ZBTB33: variants seen among roughly 807,000 people sequenced by gnomAD.
ZBTB33 encodes the protein zinc finger and BTB domain containing 33.
In ZBTB33, 11 loss-of-function variants were observed where a neutral mutation model predicts 25.9. That is an observed-to-expected ratio of 0.42 (90% CI 0.27 to 0.70). The LOEUF (loss-of-function observed/expected upper bound fraction) is 0.70, where lower values mean the gene tolerates loss of function less well. Among genes scored for constraint, ZBTB33 ranks in the 30% least tolerant of loss-of-function variants. The pLI, the probability that ZBTB33 is intolerant of heterozygous loss-of-function variation, is 0.23. For synonymous variants in ZBTB33, 157 were observed against 184.8 expected (o/e 0.85, Z 1.22); for missense variants, 343 against 501.1 (o/e 0.68, Z 3.01).
chrX:120,254,380 C>T lies in ZBTB33; in HGVS notation c.965C>T (p.Thr322Ile). 8.3e-7 allele frequency: 1 copy of T among 1,211,379 alleles called. No individual in the cohort carries two copies. Among genetic ancestry groups the T allele is most frequent in the Non-Finnish European group, 1.1e-6 (1 of 895,433 alleles). Reference protein sequence around the residue: ...NQQTPNSAILTGNKANEEEEE... With the variant: ...NQQTPNSAILIGNKANEEEEE... ...CAGACACCAAACAGTGCTATTTTAA[C>T]AGGAAACAAGGCCAATGAAGAGGAG... The change falls in exon 3 of 3, where the codon ACA (threonine) becomes ATA (isoleucine). Residue 322 changes from threonine (T) to isoleucine (I), a missense_variant. This residue lies in a region of ZBTB33 where 304 missense variants were observed against 410.0 expected (regional missense o/e 0.74). Transcript: ENST00000557385.
At chrX:120,251,403 C>T (rs1056972861) in intron 1 of ZBTB33, among the ~76,000 whole-genome samples, 1 of 110,698 alleles carries the variant, frequency 9.0e-6, no homozygotes, top group African/African-American at 3.3e-5. Context: ...CTTCATCCCC[C>T]CCCCAACACC....
chrX:120,256,401 A>G lies in ZBTB33; in HGVS notation c.*967A>G, dbSNP rs1279754445. ...ATATTTTGGGTGGGAGGCTACTGGC[A>G]TATATTTTTAAATGTTCATATTGCG... On this transcript the variant is annotated 3_prime_UTR_variant, in exon 3 of 3. Coordinates refer to ENST00000557385, the MANE Select transcript of ZBTB33 (RefSeq NM_001184742.2). 1 of 122,597 alleles carries G rather than the reference A, an allele frequency of 8.2e-6. No individual in the cohort carries two copies. The highest frequency in any genetic ancestry group is 1.9e-5 in the Non-Finnish European group (1 of 52,997). 10.1% of individuals were successfully genotyped at this position (122,597 alleles called of 1,213,427 possible). A position where few individuals can be genotyped will look rare whatever the true frequency, so the allele number is the denominator to read the frequency against.
In ZBTB33 at chrX:120,254,885, A is replaced by G; in HGVS notation, c.1470A>G (p.Gly490=). 4 of 1,211,797 alleles carry G rather than the reference A, an allele frequency of 3.3e-6. No individual in the cohort carries two copies. The South Asian group carries it at 7.0e-5, about 21-fold the overall frequency. ...ATCACTATGAGTTAATAGTAGATGG[A>G]AGGGTCTATTATATCTGTATTGTAT... is the stretch of plus-strand genomic sequence containing the variant. ...HDDHYELIVD[G]RVYYICIVCK... The change falls in exon 3 of 3, where the codon GGA becomes GGG. Residue 490 remains glycine (G), a synonymous_variant. Transcript: ENST00000557385.
chrX:120,251,343 A>G (rs2057598371), intron 1 of ZBTB33, among the ~76,000 whole-genome samples: 1 of 107,880 alleles, frequency 9.3e-6, no homozygotes, highest in South Asian at 4.1e-4. Flanking sequence ...TGCCAGGCCC[A>G]TCCTCCCCTT....
Position 120,252,428 on chromosome X carries a change from A to G in ZBTB33, c.-104-241A>G, listed in dbSNP as rs781866629. 3.6e-5 allele frequency among the ~76,000 whole-genome samples: 4 copies of G among 111,281 alleles called. No homozygotes were observed. In the East Asian group the frequency reaches 8.4e-4, roughly 23 times the overall value. On this transcript the variant is annotated intron_variant, in intron 1 of 2. Transcript: ENST00000557385. ...AAATATCTTCTGCAAAGTGCAAAAAATGATGTTTTGCTAGTGCTACACAAC... is the reference window on the plus strand; with the variant it reads ...AAATATCTTCTGCAAAGTGCAAAAAGTGATGTTTTGCTAGTGCTACACAAC...
intron 1 of ZBTB33, among the ~76,000 whole-genome samples, chrX:120,252,449 A>C (rs1239585754): frequency 9.0e-6 from 1 of 111,641 alleles, no homozygotes; most frequent in Non-Finnish European, 1.9e-5. Flanking sequence ...CTAGTGCTAC[A>C]CAACAATGCA....
rs59686094 is a variant in ZBTB33, at chrX:120,253,978, CTGA to C, written c.581_583del (p.Asp194del). On this transcript the variant is annotated inframe_deletion, in exon 3 of 3. Coordinates refer to ENST00000557385, the MANE Select transcript of ZBTB33 (RefSeq NM_001184742.2). The stretch of plus-strand genomic sequence containing the variant: ...ATGAAAAAGATCATTGTTACCGATT[CTGA>C]TGATGATGATGATGATGTCATTTTT... 18 of 1,171,999 alleles carry C rather than the reference CTGA, an allele frequency of 1.5e-5. No homozygotes were observed. Among genetic ancestry groups the C allele is most frequent in the Admixed American group, 4.5e-5 (2 of 44,114 alleles).
rs782440956 is a variant in ZBTB33 at position 120,258,113 on chromosome X, C to T, written c.*2679C>T. ...CACAACCACTATGAAGAAATAATGC[C>T]GCATTTTTCCCCCATTGTACCAAAA... On this transcript the variant is annotated 3_prime_UTR_variant, in exon 3 of 3. Coordinates refer to ENST00000557385, the MANE Select transcript of ZBTB33 (RefSeq NM_001184742.2). 3 of 122,841 alleles carry T rather than the reference C, an allele frequency of 2.4e-5. No individual in the cohort carries two copies. The highest frequency in any genetic ancestry group is 3.8e-5 in the Non-Finnish European group (2 of 53,033). 10.1% of individuals were successfully genotyped at this position (122,841 alleles called of 1,213,427 possible).
rs1489587328 is a variant in ZBTB33 at position 120,254,687 on chromosome X, T to C, written c.1272T>C (p.Ile424=). Residue 424 remains isoleucine, a synonymous_variant, in exon 3 of 3, where the codon ATT becomes ATC. Transcript: ENST00000557385. The part of the protein sequence containing the change: ...KIITLDTATE[I]EGLSTGCKVY... ...TTACTTTAGATACAGCTACTGAAAT[T>C]GAAGGCTTATCGACTGGTTGCAAGG... 8.3e-7 allele frequency: 1 copy of C among 1,210,400 alleles called. No homozygotes were observed. Among genetic ancestry groups the C allele is most frequent in the East Asian group, 3.0e-5 (1 of 33,789 alleles).
In ZBTB33 at chrX:120,254,799, G is replaced by A; in HGVS notation, c.1384G>A (p.Glu462Lys). Residue 462 changes from glutamate to lysine, a missense_variant, in exon 3 of 3, where the codon GAA becomes AAA. Glu to Lys is a moderately conservative substitution (Grantham distance 56). Around this residue, in one of 2 missense-constraint regions of ZBTB33, gnomAD observed 304 missense variants for 410.0 expected, o/e 0.74. Coordinates refer to ENST00000557385, the MANE Select transcript of ZBTB33 (RefSeq NM_001184742.2). ...TGAAGGGGAGGCCAGACTTGAGAAT[G>A]AAATACCAAAAACGTCTGGCAGCGA... is the stretch of plus-strand genomic sequence containing the variant. ...PDEGEARLEN[E>K]IPKTSGSEMA... 1 of 1,211,876 alleles carries A rather than the reference G, an allele frequency of 8.3e-7. No individual in the cohort carries two copies. Among genetic ancestry groups the A allele is most frequent in the South Asian group, 1.8e-5 (1 of 56,975 alleles).
In ZBTB33 at chrX:120,255,313, C is replaced by G. The variant is rs1556015240; in HGVS notation, c.1898C>G (p.Thr633Ser). The change falls in exon 3 of 3, where the codon ACT becomes AGT. Residue 633 changes from threonine (T) to serine (S), a missense_variant. Thr to Ser is a moderately conservative substitution (Grantham distance 58, BLOSUM62 1). Around this residue, in one of 2 missense-constraint regions of ZBTB33, gnomAD observed 304 missense variants for 410.0 expected, o/e 0.74. Coordinates refer to ENST00000557385, the MANE Select transcript of ZBTB33 (RefSeq NM_001184742.2). Reference protein sequence around the residue: ...KEPPVGTTTSTQNKPMTWEDI... With the variant: ...KEPPVGTTTSSQNKPMTWEDI... ...CCTCCAGTAGGGACCACTACATCTACTCAGAACAAGCCAATGACCTGGGAA... is the reference window on the plus strand; with the variant it reads ...CCTCCAGTAGGGACCACTACATCTAGTCAGAACAAGCCAATGACCTGGGAA... 8.3e-7 allele frequency: 1 copy of G among 1,211,679 alleles called. No individual in the cohort carries two copies. The highest frequency in any genetic ancestry group is 1.1e-6 in the Non-Finnish European group (1 of 895,269).
In ZBTB33 at chrX:120,256,647, GAC is replaced by G. The variant is rs782458296; in HGVS notation, c.*1217_*1218del. On this transcript the variant is annotated 3_prime_UTR_variant, in exon 3 of 3. Transcript: ENST00000557385. ...AACAATAAATACCACTTTTAAAAAT[GAC>G]ACATATTTAAACACTTAGAAAATAA... The G allele has an allele frequency of 2.0e-3, 244 of 122,884 alleles. 3 individuals are homozygous for G. Among genetic ancestry groups the G allele is most frequent in the Non-Finnish European group, 1.3e-4 (7 of 53,000 alleles). 10.1% of individuals were successfully genotyped at this position (122,884 alleles called of 1,213,427 possible).
At position 120,254,460 on chromosome X, in the gene ZBTB33, G is replaced by A; in HGVS notation, c.1045G>A (p.Ala349Thr). ...CACTATTAGCTCCAGTCCTGACTCG[G>A]CCGTCAGTAATACATCTTTGGTCCC... Reference protein sequence around the residue: ...DDTISSSPDSAVSNTSLVPQA... With the variant: ...DDTISSSPDSTVSNTSLVPQA... The change falls in exon 3 of 3, where the codon GCC (alanine) becomes ACC (threonine). Residue 349 changes from alanine to threonine, a missense_variant. Physicochemically the swap from Ala to Thr is moderately conservative, Grantham distance 58. Around this residue, in one of 2 missense-constraint regions of ZBTB33, gnomAD observed 304 missense variants for 410.0 expected, o/e 0.74. Coordinates refer to ENST00000557385, the MANE Select transcript of ZBTB33 (RefSeq NM_001184742.2). The A allele has an allele frequency of 2.5e-6, 3 of 1,211,403 alleles. No individual in the cohort carries two copies. The highest frequency in any genetic ancestry group is 3.4e-6 in the Non-Finnish European group (3 of 895,461).
At chrX:120,251,384 C>T (rs2057598685) in intron 1 of ZBTB33, among the ~76,000 whole-genome samples, 1 of 109,782 alleles carries the variant, frequency 9.1e-6, no homozygotes, top group Admixed American at 9.5e-5. Flanking sequence ...AACAATGCCG[C>T]CTGCTTCGCT....
rs1195134438 is a variant in ZBTB33 at position 120,257,532 on chromosome X, T to C, written c.*2098T>C. ...AACTATCCATTCTGAATAATAGGTATGTAATTATTTGCTGCTGCTGCTGTG... is the reference window on the plus strand; with the variant it reads ...AACTATCCATTCTGAATAATAGGTACGTAATTATTTGCTGCTGCTGCTGTG... On this transcript the variant is annotated 3_prime_UTR_variant, in exon 3 of 3. Coordinates refer to ENST00000557385, the MANE Select transcript of ZBTB33 (RefSeq NM_001184742.2). 2.4e-5 allele frequency: 3 copies of C among 123,317 alleles called. No homozygotes were observed. The highest frequency in any genetic ancestry group is 3.8e-5 in the Non-Finnish European group (2 of 53,163). 10.2% of individuals were successfully genotyped at this position (123,317 alleles called of 1,213,427 possible).
rs1232171970 is a variant in ZBTB33, at chrX:120,257,072, C to G, written c.*1638C>G. The G allele has an allele frequency of 3.3e-5, 4 of 121,972 alleles. No individual in the cohort carries two copies. The highest frequency in any genetic ancestry group is 1.3e-4 in the African/African-American group (4 of 30,460). The allele number at this position is 121,972 out of a possible 1,213,427, so 10.1% of individuals were successfully genotyped here. A position where few individuals can be genotyped will look rare whatever the true frequency, so the allele number is the denominator to read the frequency against. ...TGAGGGTATCAGGCATCAGTTCATG[C>G]AATAATACAAGAAAAAAAATCCTTT... On this transcript the variant is annotated 3_prime_UTR_variant, in exon 3 of 3. Coordinates refer to ENST00000557385, the MANE Select transcript of ZBTB33 (RefSeq NM_001184742.2).
Position 120,254,707 on chromosome X carries a change from G to T in ZBTB33, c.1292G>T (p.Cys431Phe). 8.3e-7 allele frequency: 1 copy of T among 1,211,859 alleles called. No individual in the cohort carries two copies. The highest frequency in any genetic ancestry group is 1.1e-6 in the Non-Finnish European group (1 of 895,508). The change falls in exon 3 of 3, where the codon TGC becomes TTC. Residue 431 changes from cysteine to phenylalanine, a missense_variant. By Grantham distance (205) the Cys-to-Phe change is radical (BLOSUM62 -2). Coordinates refer to ENST00000557385, the MANE Select transcript of ZBTB33 (RefSeq NM_001184742.2). ...GAAATTGAAGGCTTATCGACTGGTTGCAAGGTTTATGCAAATATCGGTGAA... is the reference window on the plus strand; with the variant it reads ...GAAATTGAAGGCTTATCGACTGGTTTCAAGGTTTATGCAAATATCGGTGAA... ...ATEIEGLSTGCKVYANIGEDT... is the reference protein window; with the variant it reads ...ATEIEGLSTGFKVYANIGEDT...
chrX:120,254,143 T>C lies in ZBTB33; in HGVS notation c.728T>C (p.Ile243Thr). The C allele has an allele frequency of 8.3e-7, 1 of 1,211,280 alleles. No individual in the cohort carries two copies. Among genetic ancestry groups the C allele is most frequent in the South Asian group, 1.8e-5 (1 of 56,948 alleles). ...ASNNSPPLTN[I>T]TPTQKLPTPV... ...AATAACTCGCCCCCTTTAACAAATA[T>C]CACACCTACTCAGAAACTTCCTACT... The change falls in exon 3 of 3, where the codon ATC becomes ACC. Residue 243 changes from isoleucine to threonine, a missense_variant. Ile to Thr is a moderately conservative substitution (Grantham distance 89). This residue lies in a region of ZBTB33 where 304 missense variants were observed against 410.0 expected (regional missense o/e 0.74). Transcript: ENST00000557385.
At chrX:120,251,933 C>T (rs2057603407) in intron 1 of ZBTB33, among the ~76,000 whole-genome samples, 1 of 112,574 alleles carries the variant, frequency 8.9e-6, no homozygotes, top group African/African-American at 3.2e-5. Flanking sequence ...TTTCAGAAAA[C>T]CTGTCTTTCC....
Sources: gnomAD v4.1 joint callset for allele counts (sites outside exome capture counted in the v4.1 genomes callset) on GRCh38, gnomAD v4.1.1 for gene constraint, gnomAD v4.1.1 regional missense constraint, MANE v1.5 for transcripts, NCBI Gene and HGNC (gene_info 2026-07-23, HGNC 2026-07-21) for gene names.